The following VAV2 variants were observed in gnomAD, a reference collection of about 807,000 sequenced individuals.
VAV2 encodes the protein guanine nucleotide exchange factor VAV2.
Under a neutral mutation model 132.5 loss-of-function variants are expected in VAV2, and 67 were observed. The ratio of observed to expected loss-of-function variants is 0.51; its 90% CI spans 0.42 to 0.62. VAV2 has a LOEUF of 0.62. VAV2 is among the 20% of genes least tolerant of loss of function. The pLI is 0.00. For synonymous variants in VAV2, 492 were observed against 443.5 expected (o/e 1.11, Z -1.37); for missense variants, 938 against 1,153.6 (o/e 0.81, Z 2.71).
At chr9:133,806,483 G>C (rs937927492) in intron 8 of VAV2, among the ~76,000 whole-genome samples, 1 of 152,194 alleles carries the variant, frequency 6.6e-6, no homozygotes, top group Non-Finnish European at 1.5e-5. Context: ...GGGCGGCACA[G>C]CGCAGTACTC....
At chr9:133,911,570 A>T (rs2132044763) in intron 2 of VAV2, among the ~76,000 whole-genome samples, 1 of 152,162 alleles carries the variant, frequency 6.6e-6, no homozygotes, top group South Asian at 2.1e-4. Flanking sequence ...CCGGCCCCAA[A>T]ATGTTTTCTA....
intron 29 of VAV2, 108 bp from the exon 30 acceptor site, chr9:133,764,217 G>T: frequency 7.0e-7 from 1 of 1,426,426 alleles, no homozygotes; most frequent in Non-Finnish European, 9.7e-7. Context: ...AAGATGGGGG[G>T]CCCTTCGGAA....
At chr9:133,868,550 C>T (rs1837899153) in intron 2 of VAV2, among the ~76,000 whole-genome samples, 1 of 152,218 alleles carries the variant, frequency 6.6e-6, no homozygotes, top group Non-Finnish European at 1.5e-5. Context: ...GGGACTGTGC[C>T]CGATCAGAAG....
intron 2 of VAV2, among the ~76,000 whole-genome samples, chr9:133,873,841 A>G (rs1200020716): frequency 6.6e-6 from 1 of 152,228 alleles, no homozygotes; most frequent in African/African-American, 2.4e-5. Flanking sequence ...GAGCTTCACA[A>G]GCCCACCCAG....
intron 25 of VAV2, among the ~76,000 whole-genome samples, chr9:133,773,227 G>A (rs549427693): frequency 1.3e-5 from 2 of 152,300 alleles, no homozygotes; most frequent in South Asian, 2.1e-4. Flanking sequence ...TATTGCTCCC[G>A]GGCTACAGAC....
At chr9:133,783,444 G>C in intron 19 of VAV2, 59 bp downstream of exon 19, 5 of 1,545,686 alleles carry the variant, frequency 3.2e-6, no homozygotes, top group Non-Finnish European at 4.5e-6. Context: ...AGGTGGTAGG[G>C]GGCAGAAGTG....
At chr9:133,813,429 A>G (rs1386828989) in intron 4 of VAV2, among the ~76,000 whole-genome samples, 1 of 152,164 alleles carries the variant, frequency 6.6e-6, no homozygotes, top group Non-Finnish European at 1.5e-5. Context: ...TTTGAATATC[A>G]GCTGTCGCCT....
chr9:133,803,764 C>T (rs995625634), intron 9 of VAV2, among the ~76,000 whole-genome samples: 2 of 152,224 alleles, frequency 1.3e-5, no homozygotes, highest in African/African-American at 4.8e-5. Context: ...AGCCCTTCAG[C>T]AGCTTCCTCG....
At chr9:133,954,320 G>A (rs1051307801) in intron 1 of VAV2, among the ~76,000 whole-genome samples, 1 of 152,208 alleles carries the variant, frequency 6.6e-6, no homozygotes, top group African/African-American at 2.4e-5. Flanking sequence ...TGCATGCATG[G>A]CCCAGGCTGC....
rs915736219 is a variant in VAV2 at position 133,794,409 on chromosome 9, C to A, written c.1101+1259G>T. On this transcript the variant is annotated intron_variant, in intron 12 of 29. Coordinates refer to ENST00000371850, the MANE Select transcript of VAV2 (RefSeq NM_001134398.2). This position sits in a 1 kb window ranked among gnomAD's most constrained non-coding sequence, Gnocchi z 4.6. The stretch of plus-strand genomic sequence containing the variant: ...TCCCGTGCCCACACACGAGTGCCCA[C>A]AGGATTTGGAGTAAATTTCTCCCCG... Among the ~76,000 whole-genome samples the A allele has an allele frequency of 6.6e-6, 1 of 152,162 alleles. No homozygotes were observed. Among genetic ancestry groups the A allele is most frequent in the Non-Finnish European group, 1.5e-5 (1 of 68,028 alleles).
At position 133,858,760 on chromosome 9, in the gene VAV2, C is replaced by T. The variant is rs1206410075; in HGVS notation, c.380+2614G>A. Among the ~76,000 whole-genome samples the T allele has an allele frequency of 5.3e-5, 8 of 152,322 alleles. No homozygotes were observed. In the South Asian group the frequency reaches 1.4e-3, roughly 28 times the overall value. ...GGGGAGACATCTCCGGCATGAGGTCCACAGCTAAGCAGGACACAGACTTCA... is the reference window on the plus strand; with the variant it reads ...GGGGAGACATCTCCGGCATGAGGTCTACAGCTAAGCAGGACACAGACTTCA... On this transcript the variant is annotated intron_variant, in intron 3 of 29. Coordinates refer to ENST00000371850, the MANE Select transcript of VAV2 (RefSeq NM_001134398.2).
intron 4 of VAV2, among the ~76,000 whole-genome samples, chr9:133,817,835 G>A (rs754855890): frequency 7.9e-5 from 12 of 152,046 alleles, no homozygotes; most frequent in African/African-American, 1.9e-4. Context: ...TTTGTCGTAC[G>A]TTTTCCTCTA....
intron 6 of VAV2, among the ~76,000 whole-genome samples, chr9:133,809,745 G>A (rs755675703): frequency 2.6e-5 from 4 of 152,224 alleles, no homozygotes; most frequent in South Asian, 2.1e-4. Context: ...GAATGTGGCC[G>A]GGACAGGATT....
chr9:133,910,363 C>T (rs556964487), intron 2 of VAV2, among the ~76,000 whole-genome samples: 10 of 152,122 alleles, frequency 6.6e-5, no homozygotes, highest in Non-Finnish European at 1.3e-4. Flanking sequence ...CTCTAACTGG[C>T]GCAAGCTGCG....
At chr9:133,934,404 A>T (rs1028562756) in intron 2 of VAV2, among the ~76,000 whole-genome samples, 1 of 152,224 alleles carries the variant, frequency 6.6e-6, no homozygotes, top group African/African-American at 2.4e-5. Flanking sequence ...CACCTGGAGA[A>T]CCGGGGAAGC....
intron 3 of VAV2, among the ~76,000 whole-genome samples, chr9:133,861,031 C>T (rs1323343835): frequency 2.0e-5 from 3 of 152,244 alleles, no homozygotes; most frequent in African/African-American, 7.2e-5. Flanking sequence ...ACCCCAGCTA[C>T]CTCATTCTCG....
chr9:133,829,193 G>A (rs1408035438), intron 4 of VAV2, among the ~76,000 whole-genome samples: 1 of 152,224 alleles, frequency 6.6e-6, no homozygotes, highest in Non-Finnish European at 1.5e-5. Flanking sequence ...GATTATTAGA[G>A]CAATTTAAAA....
chr9:133,763,961 G>A lies in VAV2; in HGVS notation c.*101C>T, dbSNP rs556208303. ...CCTGTGGGCAGTGGAAGACTGGGAG[G>A]TTGGTATTTCCCCTCTGAGTCACAG... On this transcript the variant is annotated 3_prime_UTR_variant, in exon 30 of 30. Transcript: ENST00000371850. The surrounding 1 kb of genome is among the most constrained non-coding windows in gnomAD (Gnocchi z 6.8). 3 of 1,400,966 alleles carry A rather than the reference G, an allele frequency of 2.1e-6. No individual in the cohort carries two copies. Among genetic ancestry groups the A allele is most frequent in the Non-Finnish European group, 3.0e-6 (3 of 990,692 alleles). The allele number at this position is 1,400,966 out of a possible 1,614,324, so 86.8% of individuals were successfully genotyped here. A position where few individuals can be genotyped will look rare whatever the true frequency, so the allele number is the denominator to read the frequency against.
chr9:133,805,951 C>T (rs909399670), intron 9 of VAV2, 130 bp downstream of exon 9: 14 of 964,030 alleles, frequency 1.5e-5, no homozygotes, highest in South Asian at 3.3e-5. Flanking sequence ...CAAGGGAGGA[C>T]GGGGTCCAGA....
Sources: gnomAD v4.1 joint callset for allele counts (sites outside exome capture counted in the v4.1 genomes callset) on GRCh38, gnomAD v4.1.1 for gene constraint, Gnocchi (gnomAD v3.1) non-coding constraint, MANE v1.5 for transcripts, NCBI Gene and HGNC (gene_info 2026-07-23, HGNC 2026-07-21) for gene names.